Variants in SAMMSON observed in about 807,000 individuals in gnomAD.
SAMMSON encodes the protein long intergenic non-protein coding RNA 1212.
At chr3:70,219,343 G>A (rs192248091) in intron 4 of SAMMSON, among the ~76,000 whole-genome samples, 1 of 152,264 alleles carries the variant, frequency 6.6e-6, no homozygotes, top group African/African-American at 2.4e-5. Flanking sequence ...TTTTCTGCAT[G>A]CTCCCGATTC....
At chr3:70,164,668 T>C (rs1457255730) in intron 4 of SAMMSON, among the ~76,000 whole-genome samples, 2 of 152,020 alleles carry the variant, frequency 1.3e-5, no homozygotes, top group African/African-American at 4.8e-5. Flanking sequence ...CTCTGTGAGC[T>C]TGGACAAGTT....
In SAMMSON at chr3:70,290,674, C is replaced by T. The variant is rs562425519; in HGVS notation, n.675-505C>T. Among the ~76,000 whole-genome samples the T allele has an allele frequency of 2.3e-3, 345 of 152,276 alleles. 1 individual carries two copies. The highest frequency in any genetic ancestry group is 7.8e-3 in the African/African-American group (325 of 41,548). ...CTCCCCTAGCCTCGCTGCCGCCTTG[C>T]AGTTTGATCTCAGACTGCTGTGCTA... On this transcript the variant is annotated intron_variant and non_coding_transcript_variant, in intron 6 of 9. Transcript: ENST00000642114.
intron 6 of SAMMSON, among the ~76,000 whole-genome samples, chr3:70,257,880 C>T (rs565980480): frequency 1.8e-4 from 28 of 152,134 alleles, no homozygotes; most frequent in African/African-American, 6.5e-4. Context: ...TCCAAAGTTG[C>T]AATAAAGCTA....
chr3:70,333,124 A>G (rs944872583), intron 7 of SAMMSON, among the ~76,000 whole-genome samples: 6 of 152,074 alleles, frequency 3.9e-5, no homozygotes, highest in Non-Finnish European at 8.8e-5. Flanking sequence ...TGCAGCTACC[A>G]TTCTTTAACC....
intron 7 of SAMMSON, among the ~76,000 whole-genome samples, chr3:70,353,002 A>C (rs1702804018): frequency 6.6e-6 from 1 of 152,050 alleles, no homozygotes; most frequent in Non-Finnish European, 1.5e-5. Context: ...TTTTCAGCAA[A>C]TGATACTAGA....
chr3:70,139,999 T>A (rs1173783379), intron 4 of SAMMSON, among the ~76,000 whole-genome samples: 2 of 152,180 alleles, frequency 1.3e-5, no homozygotes, highest in African/African-American at 2.4e-5. Context: ...AGGCTGTGAA[T>A]TGTCTAAATC....
chr3:70,018,138 G>C (rs2066994851), intron 3 of SAMMSON, among the ~76,000 whole-genome samples: 1 of 152,068 alleles, frequency 6.6e-6, no homozygotes, highest in Admixed American at 6.5e-5. Context: ...TCTATCAATT[G>C]GAATAGTTTC....
At chr3:70,289,232 G>A (rs1293979526) in intron 6 of SAMMSON, among the ~76,000 whole-genome samples, 1 of 149,970 alleles carries the variant, frequency 6.7e-6, no homozygotes, top group African/African-American at 2.5e-5. Context: ...GCTTCCTTCA[G>A]GAGCTCTTTT....
intron 9 of SAMMSON, among the ~76,000 whole-genome samples, chr3:70,382,252 T>C (rs1343575468): frequency 6.6e-6 from 1 of 152,148 alleles, no homozygotes; most frequent in Non-Finnish European, 1.5e-5. Flanking sequence ...AATACATATA[T>C]TTCTTCTCTC....
chr3:70,364,932 C>T (rs1328523684), intron 9 of SAMMSON, among the ~76,000 whole-genome samples: 1 of 151,774 alleles, frequency 6.6e-6, no homozygotes, highest in Non-Finnish European at 1.5e-5. Flanking sequence ...GCATCTCTTT[C>T]AATGAGATCG....
rs1042693745 is a variant in SAMMSON at position 70,383,357 on chromosome 3, A to C, written n.914-6217A>C. On this transcript the variant is annotated intron_variant and non_coding_transcript_variant, in intron 9 of 9. Transcript: ENST00000642114. The stretch of plus-strand genomic sequence containing the variant: ...CCCTTAAAATAAAAATAAAAAAAAA[A>C]AACAACCTTATGGTCCTCCTTTTAG... Among the ~76,000 whole-genome samples, 4 of 151,562 alleles carry C rather than the reference A, an allele frequency of 2.6e-5. No individual in the cohort carries two copies. In the East Asian group the frequency reaches 5.8e-4, roughly 22 times the overall value.
intron 3 of SAMMSON, among the ~76,000 whole-genome samples, chr3:70,050,993 A>T (rs1471936001): frequency 1.3e-5 from 2 of 151,432 alleles, no homozygotes; most frequent in Non-Finnish European, 2.9e-5. Context: ...AAAATTAGCC[A>T]GGCATGGTGG....
intron 4 of SAMMSON, among the ~76,000 whole-genome samples, chr3:70,212,132 C>A (rs1228702343): frequency 1.3e-5 from 2 of 152,120 alleles, no homozygotes; most frequent in East Asian, 1.9e-4. Flanking sequence ...ATCCAGCCAT[C>A]CAAAGATGCA....
At chr3:70,102,837 TTGCTCTGCTC>T (rs1165837817) in intron 4 of SAMMSON, among the ~76,000 whole-genome samples, 1 of 152,322 alleles carries the variant, frequency 6.6e-6, no homozygotes, top group Non-Finnish European at 1.5e-5. Flanking sequence ...TCGGCTTTGA[TTGCTCTGCTC>T]TGCTCTTTGC....
chr3:70,074,266 A>G (rs780876051), intron 4 of SAMMSON, among the ~76,000 whole-genome samples: 5 of 152,096 alleles, frequency 3.3e-5, no homozygotes, highest in Non-Finnish European at 5.9e-5. Context: ...TACTAGAGCC[A>G]TATTATTTAC....
chr3:70,428,367 G>A (rs963846487), intron 2 of SAMMSON, among the ~76,000 whole-genome samples: 3 of 152,156 alleles, frequency 2.0e-5, no homozygotes, highest in Non-Finnish European at 4.4e-5. Flanking sequence ...AAATGTTATA[G>A]AATTGGCTTC....
chr3:70,183,930 A>T (rs1429720246), intron 4 of SAMMSON: 1 of 152,168 alleles, frequency 6.6e-6, no homozygotes, highest in African/African-American at 2.4e-5. Context: ...GTGTGTCACT[A>T]CTTCCCCGTG....
intron 4 of SAMMSON, among the ~76,000 whole-genome samples, chr3:70,187,952 T>C (rs1701104514): frequency 6.6e-6 from 1 of 152,142 alleles, no homozygotes; most frequent in Non-Finnish European, 1.5e-5. Context: ...TAGCAAGCTC[T>C]CTGAGTGTTC....
intron 9 of SAMMSON, among the ~76,000 whole-genome samples, chr3:70,363,434 ACT>A (rs1416751589): frequency 1.3e-5 from 2 of 151,888 alleles, no homozygotes; most frequent in East Asian, 1.9e-4. Context: ...AAACCTAAAG[ACT>A]CACACACACA....
Sources: gnomAD v4.1 joint callset for allele counts (sites outside exome capture counted in the v4.1 genomes callset) on GRCh38, gnomAD v4.1.1 for gene constraint, MANE v1.5 for transcripts, NCBI Gene and HGNC (gene_info 2026-07-23, HGNC 2026-07-21) for gene names.